HOMER2: variants seen among roughly 807,000 people sequenced by gnomAD.
HOMER2 encodes the protein homer scaffold protein 2, also known as homer protein homolog 2.
Under a neutral mutation model 47.0 loss-of-function variants are expected in HOMER2, and 27 were observed. The ratio of observed to expected loss-of-function variants is 0.57; its 90% CI spans 0.42 to 0.79. The LOEUF is 0.79. HOMER2 is among the 30% of genes least tolerant of loss of function. The probability of loss-of-function intolerance (pLI) is 0.00; values close to 1 mark genes in which losing one functional copy is unlikely to be tolerated. For synonymous variants in HOMER2, 161 were observed against 163.8 expected (o/e 0.98, Z 0.13); for missense variants, 443 against 435.0 (o/e 1.02, Z -0.16).
chr15:82,973,547 G>C (rs769491277), intron 1 of HOMER2, among the ~76,000 whole-genome samples: 8 of 152,142 alleles, frequency 5.3e-5, no homozygotes, highest in Non-Finnish European at 1.0e-4. Context: ...TGTTTTCATA[G>C]GACAATGACA....
intron 1 of HOMER2, among the ~76,000 whole-genome samples, chr15:82,903,634 A>ACG (rs1433436333): frequency 2.0e-5 from 3 of 151,638 alleles, no homozygotes; most frequent in Non-Finnish European, 4.4e-5. Context: ...ACACACACAC[A>ACG]CGGCAACAAG....
chr15:82,954,835 G>A (rs997223354), upstream of HOMER2, among the ~76,000 whole-genome samples: 4 of 152,024 alleles, frequency 2.6e-5, no homozygotes, highest in African/African-American at 7.2e-5. Context: ...CTGGAGTGCA[G>A]TGGCATGATC....
chr15:82,933,982 C>T (rs969749193), intron 1 of HOMER2, among the ~76,000 whole-genome samples: 4 of 152,094 alleles, frequency 2.6e-5, no homozygotes, highest in Non-Finnish European at 4.4e-5. Context: ...AAATCTGAGC[C>T]GGTCCTTCCC....
upstream of HOMER2, among the ~76,000 whole-genome samples, chr15:82,952,928 GC>G (rs913659704): frequency 7.9e-5 from 12 of 152,074 alleles, no homozygotes; most frequent in African/African-American, 2.9e-4. Flanking sequence ...CTCGGTGCCG[GC>G]CCCGCGTTGG....
chr15:82,949,650 G>A (rs1163817285), intron 1 of HOMER2, among the ~76,000 whole-genome samples: 1 of 152,200 alleles, frequency 6.6e-6, no homozygotes, highest in Non-Finnish European at 1.5e-5. Context: ...AGGTGAAGAA[G>A]AGCAAAGAAG....
chr15:82,932,693 G>A (rs541472330), intron 1 of HOMER2, among the ~76,000 whole-genome samples: 210 of 152,142 alleles, frequency 1.4e-3, no homozygotes, highest in Non-Finnish European at 2.4e-3. Context: ...GCCTCCACAA[G>A]GGCTTCATCA....
intron 4 of HOMER2, among the ~76,000 whole-genome samples, chr15:82,860,956 T>TGAGAGAGAGAGAGAGAGA (rs56063630): frequency 0.016 from 670 of 42,332 alleles, 11 homozygotes; most frequent in African/African-American, 0.022. Context: ...AGATAGAAGA[T>TGAGAGAGAGAGAGAGAGA]GAGAGAGAGA....
At chr15:82,928,958 A>AAAAAAAAAAAAAAAAAAAAAAAAAT in intron 1 of HOMER2, among the ~76,000 whole-genome samples, 1 of 148,802 alleles carries the variant, frequency 6.7e-6, no homozygotes, top group Admixed American at 6.8e-5. Flanking sequence ...AAAAAAAAAA[A>AAAAAAAAAAAAAAAAAAAAAAAAAT]AAGCTGTCAT....
At chr15:82,920,699 T>C (rs948236912) in intron 1 of HOMER2, among the ~76,000 whole-genome samples, 2 of 152,210 alleles carry the variant, frequency 1.3e-5, no homozygotes, top group South Asian at 4.1e-4. Context: ...CCCTGGATAA[T>C]GCAGGATAAC....
chr15:82,888,982 C>T (rs892833754), intron 2 of HOMER2, among the ~76,000 whole-genome samples: 4 of 152,172 alleles, frequency 2.6e-5, no homozygotes, highest in South Asian at 4.1e-4. Context: ...GGCGGCTTCC[C>T]CTTCCAGCCC....
chr15:82,937,181 C>G (rs2054160927), intron 1 of HOMER2, among the ~76,000 whole-genome samples: 1 of 152,218 alleles, frequency 6.6e-6, no homozygotes, highest in Non-Finnish European at 1.5e-5. Context: ...AAATATCCTG[C>G]TGCCCCTCCC....
chr15:82,916,107 T>C (rs552098300), intron 1 of HOMER2, among the ~76,000 whole-genome samples: 1 of 152,304 alleles, frequency 6.6e-6, no homozygotes, highest in Non-Finnish European at 1.5e-5. Flanking sequence ...CTTGAAGGAC[T>C]TGAGTGTCAC....
rs535757258 is a variant in HOMER2 at position 82,933,675 on chromosome 15, G to C, written c.5+18856C>G. ...CTCTGGTGCCCAGAACCAAACGCAG[G>C]GTTCTAGATGGGAGCGGGGCAGGCC... On this transcript the variant is annotated intron_variant, in intron 1 of 8. Coordinates refer to ENST00000450735, the MANE Select transcript of HOMER2 (RefSeq NM_004839.4). Among the ~76,000 whole-genome samples, 76 of 152,286 alleles carry C rather than the reference G, an allele frequency of 5.0e-4. 1 individual carries two copies. The highest frequency in any genetic ancestry group is 5.6e-4 in the Non-Finnish European group (38 of 68,022).
At chr15:82,955,108 C>T (rs114242183), upstream of HOMER2, among the ~76,000 whole-genome samples, 1 of 151,352 alleles carries the variant, frequency 6.6e-6, no homozygotes, top group African/African-American at 2.4e-5. Flanking sequence ...CAGTACTGCT[C>T]ATAACCTACT....
rs139963013 is a variant in HOMER2 at position 82,913,821 on chromosome 15, G to T, written c.6-20980C>A. ...ACGTGTACAGGGCTGTGGAAAACTGGTGCTTCCTCAAAAAGTTAAATACAG... is the reference window on the plus strand; with the variant it reads ...ACGTGTACAGGGCTGTGGAAAACTGTTGCTTCCTCAAAAAGTTAAATACAG... On this transcript the variant is annotated intron_variant, in intron 1 of 8. Coordinates refer to ENST00000450735, the MANE Select transcript of HOMER2 (RefSeq NM_004839.4). The surrounding 1 kb of genome is among the most constrained non-coding windows in gnomAD (Gnocchi z 4.1). 4.1e-3 allele frequency among the ~76,000 whole-genome samples: 625 copies of T among 152,180 alleles called. 2 individuals carry two copies. The highest frequency in any genetic ancestry group is 8.2e-3 in the Admixed American group (125 of 15,282).
At chr15:82,869,011 G>A (rs1015621421) in intron 3 of HOMER2, among the ~76,000 whole-genome samples, 4 of 152,110 alleles carry the variant, frequency 2.6e-5, no homozygotes, top group African/African-American at 9.7e-5. Context: ...TTTTGGAAAT[G>A]TTTGAATAAC....
intron 3 of HOMER2, among the ~76,000 whole-genome samples, chr15:82,868,849 C>CTA (rs138651874): frequency 0.017 from 2,545 of 147,540 alleles, 14 homozygotes; most frequent in Non-Finnish European, 0.019. Context: ...CTGCGCTCAG[C>CTA]TATATATATA....
rs2051887253 is a variant in HOMER2 at position 82,864,180 on chromosome 15, C to A, written c.374G>T (p.Ser125Ile). Residue 125 changes from serine to isoleucine, a missense_variant, in exon 4 of 9, where the codon AGT becomes ATT. By Grantham distance (142) the Ser-to-Ile change is moderately radical (BLOSUM62 -2). Coordinates refer to ENST00000450735, the MANE Select transcript of HOMER2 (RefSeq NM_004839.4). ...DKTQEKIETSSNHSQASSVNG... is the reference protein window; with the variant it reads ...DKTQEKIETSINHSQASSVNG... ...CTAATGTCTTACTTGGGAATGATTA[C>A]TTGAGGTCTCGATTTTCTCCTGCGT... 6.2e-7 allele frequency: 1 copy of A among 1,609,680 alleles called. No homozygotes were observed. Among genetic ancestry groups the A allele is most frequent in the Non-Finnish European group, 8.5e-7 (1 of 1,177,320 alleles).
intron 1 of HOMER2, among the ~76,000 whole-genome samples, chr15:82,905,117 T>C (rs1878404639): frequency 6.6e-6 from 1 of 152,032 alleles, no homozygotes; most frequent in Non-Finnish European, 1.5e-5. Flanking sequence ...TTAAAAACAC[T>C]GTAACAGAAC....
Sources: gnomAD v4.1 joint callset for allele counts (sites outside exome capture counted in the v4.1 genomes callset) on GRCh38, gnomAD v4.1.1 for gene constraint, Gnocchi (gnomAD v3.1) non-coding constraint, MANE v1.5 for transcripts, NCBI Gene and HGNC (gene_info 2026-07-23, HGNC 2026-07-21) for gene names.